The following GPATCH2L variants were observed in gnomAD, a reference collection of about 807,000 sequenced individuals.
The protein encoded by GPATCH2L is G patch domain-containing protein 2-like.
Under a neutral mutation model 57.4 loss-of-function variants are expected in GPATCH2L, and 31 were observed. That is an observed-to-expected ratio of 0.54 (90% CI 0.41 to 0.73). The LOEUF is 0.73. GPATCH2L is among the 30% of genes least tolerant of loss of function. The pLI is 0.00. For missense variants in GPATCH2L, 481 were observed against 599.9 expected, an observed-to-expected ratio of 0.80 and a Z score of 2.07; for synonymous variants, 199 against 210.7, an observed-to-expected ratio of 0.94 and a Z score of 0.48.
At chr14:76,223,414 C>T (rs1002549780) in intron 1 of GPATCH2L, among the ~76,000 whole-genome samples, 3 of 152,138 alleles carry the variant, frequency 2.0e-5, no homozygotes, top group African/African-American at 7.2e-5. Flanking sequence ...CCTCTTTATA[C>T]AATATGCAAA....
chr14:76,188,556 AT>A (rs1183051671), intron 8 of GPATCH2L, among the ~76,000 whole-genome samples: 1 of 144,350 alleles, frequency 6.9e-6, no homozygotes, highest in African/African-American at 2.5e-5. Context: ...GGATTATTAG[AT>A]TTTTTTTCTA....
intron 3 of GPATCH2L, 113 bp from the exon 4 acceptor site, chr14:76,171,729 GA>G (rs60245346): frequency 0.23 from 122,821 of 528,184 alleles, 354 homozygotes; most frequent in South Asian, 0.27. Flanking sequence ...TCTCAAAAAG[GA>G]AAAAAAAAAA....
intron 2 of GPATCH2L, among the ~76,000 whole-genome samples, chr14:76,232,461 G>A (rs976920229): frequency 8.5e-5 from 13 of 152,204 alleles, no homozygotes; most frequent in South Asian, 2.1e-4. Context: ...CACTGCCCCC[G>A]GCCCGTTTTT....
intron 2 of GPATCH2L, among the ~76,000 whole-genome samples, chr14:76,231,319 C>T (rs773948554): frequency 2.6e-5 from 4 of 152,118 alleles, no homozygotes; most frequent in Non-Finnish European, 5.9e-5. Flanking sequence ...TCATCACGAC[C>T]GTCTCTTTCC....
chr14:76,230,273 T>A (rs1171800811), intron 2 of GPATCH2L: 1 of 152,220 alleles, frequency 6.6e-6, no homozygotes, highest in Admixed American at 6.5e-5. Context: ...ATGTAGCATG[T>A]GTGTGTTGTA....
At chr14:76,173,458 TG>T (rs1242443666) in intron 4 of GPATCH2L, 87 bp from the exon 5 acceptor site, 2 of 760,078 alleles carry the variant, frequency 2.6e-6, no homozygotes, top group African/African-American at 1.7e-5. Context: ...ATTAAGATCC[TG>T]GGGGTAAAGC....
chr14:76,222,672 C>T (rs536385791), intron 1 of GPATCH2L, among the ~76,000 whole-genome samples: 1 of 151,654 alleles, frequency 6.6e-6, no homozygotes, highest in South Asian at 2.1e-4. Flanking sequence ...GAAGTTGAAT[C>T]TGGGCTGGGC....
At chr14:76,181,911 A>T (rs573302359) in intron 8 of GPATCH2L, among the ~76,000 whole-genome samples, 1 of 152,188 alleles carries the variant, frequency 6.6e-6, no homozygotes, top group Non-Finnish European at 1.5e-5. Context: ...CTGCACAAAG[A>T]AGTTACTTTC....
intron 2 of GPATCH2L, among the ~76,000 whole-genome samples, chr14:76,159,079 C>T (rs976580456): frequency 1.3e-5 from 2 of 152,146 alleles, no homozygotes; most frequent in Admixed American, 6.5e-5. Context: ...CCATGTAATG[C>T]GTAATAACTT....
chr14:76,154,897 C>T lies in GPATCH2L; in HGVS notation c.534C>T (p.Thr178=). 1 of 1,614,154 alleles carries T rather than the reference C, an allele frequency of 6.2e-7. No homozygotes were observed. Among genetic ancestry groups the T allele is most frequent in the South Asian group, 1.1e-5 (1 of 91,072 alleles). Reference sequence around the variant, plus strand: ...GCTGGAAGGAGAATACTCCCTGGACCTCATCAGGCCACGGATTGTGTGAAT... The same window carrying T: ...GCTGGAAGGAGAATACTCCCTGGACTTCATCAGGCCACGGATTGTGTGAAT... The part of the protein sequence containing the change: ...LSRWKENTPW[T]SSGHGLCESA... The change falls in exon 2 of 10, where the codon ACC becomes ACT. Residue 178 remains threonine, a synonymous_variant. Coordinates refer to ENST00000261530, the MANE Select transcript of GPATCH2L (RefSeq NM_017926.4). The surrounding 1 kb of genome is among the most constrained non-coding windows in gnomAD (Gnocchi z 4.4).
intron 3 of GPATCH2L, among the ~76,000 whole-genome samples, chr14:76,167,501 A>G (rs979416152): frequency 1.3e-5 from 2 of 152,228 alleles, no homozygotes; most frequent in Non-Finnish European, 2.9e-5. Context: ...CGTAGTGGCT[A>G]CATGTCTAGG....
chr14:76,231,975 C>CTCACTGCAGCA, intron 2 of GPATCH2L, among the ~76,000 whole-genome samples: 1 of 151,366 alleles, frequency 6.6e-6, no homozygotes, highest in African/African-American at 2.4e-5. Context: ...TCACTGCAGC[C>CTCACTGCAGCA]TCACTGCAGC....
intron 1 of GPATCH2L, among the ~76,000 whole-genome samples, chr14:76,228,245 C>T (rs1459690979): frequency 7.0e-6 from 1 of 142,858 alleles, no homozygotes; most frequent in Non-Finnish European, 1.6e-5. Context: ...ACAAAAATTC[C>T]CCTTTCTGTT....
chr14:76,154,356 G>A lies in GPATCH2L; in HGVS notation c.-8G>A. ...TTTCCTAAACTTCCTTTTGGCAGAT[G>A]TGGCCTCATGGATGAGCTGGTACAC... is the stretch of plus-strand genomic sequence containing the variant. On this transcript the variant is annotated splice_region_variant and 5_prime_UTR_variant, in exon 2 of 10. The change creates a new upstream start codon in the 5' untranslated region. Coordinates refer to ENST00000261530, the MANE Select transcript of GPATCH2L (RefSeq NM_017926.4). This position sits in a 1 kb window ranked among gnomAD's most constrained non-coding sequence, Gnocchi z 4.4. 6.4e-7 allele frequency: 1 copy of A among 1,555,344 alleles called. No individual in the cohort carries two copies. Among genetic ancestry groups the A allele is most frequent in the Non-Finnish European group, 8.7e-7 (1 of 1,146,612 alleles).
At position 76,177,815 on chromosome 14, in the gene GPATCH2L, A is replaced by C. The variant is rs1039824004; in HGVS notation, c.1053-173A>C. ...CTTTACTTAATTATTCCAACATCTT[A>C]TCTTCTTCTCCCTTCTGTAATTTTC... On this transcript the variant is annotated intron_variant, in intron 6 of 9. Coordinates refer to ENST00000261530, the MANE Select transcript of GPATCH2L (RefSeq NM_017926.4). 4.7e-6 allele frequency: 4 copies of C among 847,158 alleles called. No homozygotes were observed. In the African/African-American group the frequency reaches 7.0e-5, roughly 15 times the overall value. The allele number at this position is 847,158 out of a possible 1,614,324, so 52.5% of individuals were successfully genotyped here.
intron 3 of GPATCH2L, among the ~76,000 whole-genome samples, chr14:76,170,952 A>G (rs867280909): frequency 6.6e-6 from 1 of 151,980 alleles, no homozygotes; most frequent in African/African-American, 2.4e-5. Context: ...TAGGGCTTGG[A>G]AGAGATGACA....
At chr14:76,187,377 A>G (rs1347136958) in intron 8 of GPATCH2L, among the ~76,000 whole-genome samples, 1 of 152,074 alleles carries the variant, frequency 6.6e-6, no homozygotes, top group East Asian at 1.9e-4. Context: ...CACATCCAGC[A>G]TAGTATGTTA....
chr14:76,158,437 T>G (rs1430767553), intron 2 of GPATCH2L, among the ~76,000 whole-genome samples: 1 of 152,234 alleles, frequency 6.6e-6, no homozygotes, highest in African/African-American at 2.4e-5. Flanking sequence ...CACCTCTCAC[T>G]TTAACTCCCC....
chr14:76,176,375 C>T (rs1594946071), intron 5 of GPATCH2L: 2 of 513,938 alleles, frequency 3.9e-6, no homozygotes, highest in African/African-American at 1.9e-5. Context: ...ATATGGTGAA[C>T]AGTGTCTATG....
Sources: allele counts gnomAD v4.1 joint callset (sites outside exome capture counted in the v4.1 genomes callset), GRCh38; gene constraint gnomAD v4.1.1; non-coding constraint Gnocchi (gnomAD v3.1); transcripts MANE v1.5; gene names NCBI Gene and HGNC (gene_info 2026-07-23, HGNC 2026-07-21).